Variants in CCSER1 observed in about 807,000 individuals in gnomAD.
CCSER1 encodes the protein serine-rich coiled-coil domain-containing protein 1.
CCSER1 carries 41 observed loss-of-function variants against 82.0 expected under a neutral mutation model. The ratio of observed to expected loss-of-function variants is 0.50; its 90% CI spans 0.39 to 0.65. The LOEUF (loss-of-function observed/expected upper bound fraction) is 0.65. Among genes scored for constraint, CCSER1 ranks in the 30% least tolerant of loss-of-function variants. CCSER1 has a pLI of 0.00. For missense variants in CCSER1, 1,119 were observed against 1,064.2 expected, an observed-to-expected ratio of 1.05 and a Z score of -0.72; for synonymous variants, 414 against 383.9, an observed-to-expected ratio of 1.08 and a Z score of -0.92.
chr4:91,078,069 T>G (rs1440535415), intron 9 of CCSER1, among the ~76,000 whole-genome samples: 1 of 152,214 alleles, frequency 6.6e-6, no homozygotes, highest in African/African-American at 2.4e-5. Flanking sequence ...TAAATGTCCC[T>G]GTCTGGCGGC....
chr4:90,698,690 G>C (rs1043780422), intron 6 of CCSER1, among the ~76,000 whole-genome samples: 6 of 152,156 alleles, frequency 3.9e-5, no homozygotes, highest in African/African-American at 1.2e-4. Context: ...GTTAACTGAG[G>C]TCTGACTTGT....
chr4:90,526,586 T>G (rs912106323), intron 5 of CCSER1, among the ~76,000 whole-genome samples: 18 of 152,174 alleles, frequency 1.2e-4, no homozygotes, highest in African/African-American at 3.9e-4. Context: ...GTGTTCTCAT[T>G]GTTCAATTCC....
At chr4:91,120,474 G>T (rs927239974) in intron 10 of CCSER1, among the ~76,000 whole-genome samples, 1 of 151,950 alleles carries the variant, frequency 6.6e-6, no homozygotes. Context: ...AAAGATTATT[G>T]CAAGGTTTTA....
At chr4:91,230,537 T>C (rs1446365909) in intron 10 of CCSER1, among the ~76,000 whole-genome samples, 1 of 152,038 alleles carries the variant, frequency 6.6e-6, no homozygotes, top group African/African-American at 2.4e-5. Context: ...TAATTGCTCA[T>C]TGTAGAGATT....
intron 6 of CCSER1, among the ~76,000 whole-genome samples, chr4:90,635,304 T>C (rs1313445578): frequency 1.3e-5 from 2 of 151,616 alleles, no homozygotes; most frequent in African/African-American, 2.4e-5. Flanking sequence ...AGACACACTA[T>C]ATACTGGGTC....
intron 8 of CCSER1, among the ~76,000 whole-genome samples, chr4:90,923,150 C>T (rs1157151797): frequency 3.3e-5 from 5 of 152,042 alleles, no homozygotes; most frequent in African/African-American, 9.7e-5. Context: ...GACTCAGTGA[C>T]GCCTACAGTA....
chr4:91,527,657 G>A (rs1400353), intron 10 of CCSER1, among the ~76,000 whole-genome samples: 2 of 151,966 alleles, frequency 1.3e-5, no homozygotes, highest in African/African-American at 2.4e-5. Context: ...GGTTCATACC[G>A]TCTACTGTGA....
intron 9 of CCSER1, among the ~76,000 whole-genome samples, chr4:91,042,511 T>C (rs558383654): frequency 1.3e-5 from 2 of 152,310 alleles, no homozygotes; most frequent in Admixed American, 1.3e-4. Context: ...TATGTCTCCT[T>C]ATTTAGTTTA....
At chr4:90,520,144 A>G (rs1234454513) in intron 5 of CCSER1, among the ~76,000 whole-genome samples, 1 of 151,936 alleles carries the variant, frequency 6.6e-6, no homozygotes, top group African/African-American at 2.4e-5. Flanking sequence ...TGGACAAAAA[A>G]TAAGCTTTTA....
intron 10 of CCSER1, among the ~76,000 whole-genome samples, chr4:91,586,453 G>A (rs542463607): frequency 3.2e-4 from 48 of 151,778 alleles, no homozygotes; most frequent in African/African-American, 1.2e-3. Context: ...AGGATATTGA[G>A]TAGTTGTGAC....
At chr4:90,703,572 G>A (rs1318851390) in intron 6 of CCSER1, among the ~76,000 whole-genome samples, 1 of 152,168 alleles carries the variant, frequency 6.6e-6, no homozygotes, top group Admixed American at 6.5e-5. Context: ...TGACAGTGGG[G>A]TGTTAAAGTC....
At chr4:90,888,396 G>A (rs369612945) in intron 8 of CCSER1, among the ~76,000 whole-genome samples, 20 of 152,104 alleles carry the variant, frequency 1.3e-4, no homozygotes, top group African/African-American at 4.6e-4. Flanking sequence ...GAAAGGGCAA[G>A]AGTAGAAAGA....
At chr4:91,093,084 C>T (rs1166288770) in intron 10 of CCSER1, among the ~76,000 whole-genome samples, 1 of 152,200 alleles carries the variant, frequency 6.6e-6, no homozygotes, top group Non-Finnish European at 1.5e-5. Context: ...TAAATGTTTA[C>T]AGTCTTACCT....
At position 90,798,390 on chromosome 4, in the gene CCSER1, T is replaced by A. The variant is rs139558961; in HGVS notation, c.2011-17372T>A. The stretch of plus-strand genomic sequence containing the variant: ...TCAGCACCTGCATTATTTATCAGGA[T>A]TTTTAGCTTCCTTGTACTGGATTTT... On this transcript the variant is annotated intron_variant, in intron 7 of 10. Transcript: ENST00000509176. Among the ~76,000 whole-genome samples, 232 of 151,742 alleles carry A rather than the reference T, an allele frequency of 1.5e-3. 3 individuals carry two copies. Among genetic ancestry groups the A allele is most frequent in the African/African-American group, 5.5e-3 (225 of 40,992 alleles).
At chr4:90,771,853 A>G (rs567275268) in intron 7 of CCSER1, among the ~76,000 whole-genome samples, 1 of 152,132 alleles carries the variant, frequency 6.6e-6, no homozygotes, top group Non-Finnish European at 1.5e-5. Flanking sequence ...TTTTGACTTA[A>G]ATTTGTTTCA....
chr4:90,189,827 CT>C (rs1735293750), intron 1 of CCSER1, among the ~76,000 whole-genome samples: 2 of 151,864 alleles, frequency 1.3e-5, no homozygotes, highest in Admixed American at 1.3e-4. Context: ...GTCTGTTTAA[CT>C]TTAAATATTG....
At chr4:90,531,311 A>G (rs1435650629) in intron 5 of CCSER1, among the ~76,000 whole-genome samples, 1 of 151,942 alleles carries the variant, frequency 6.6e-6, no homozygotes, top group African/African-American at 2.4e-5. Flanking sequence ...GACCTTAAAA[A>G]TCTCAAAAAT....
At chr4:90,275,877 T>G (rs1727441436) in intron 1 of CCSER1, among the ~76,000 whole-genome samples, 2 of 152,170 alleles carry the variant, frequency 1.3e-5, no homozygotes, top group Admixed American at 1.3e-4. Context: ...AGCAAAAGTG[T>G]TAATGAAATA....
intron 10 of CCSER1, among the ~76,000 whole-genome samples, chr4:91,374,179 A>G (rs975392068): frequency 6.6e-6 from 1 of 152,278 alleles, no homozygotes; most frequent in South Asian, 2.1e-4. Context: ...AGCTAAGATT[A>G]TTTTGATGAA....
Sources: allele counts gnomAD v4.1 joint callset (sites outside exome capture counted in the v4.1 genomes callset), GRCh38; gene constraint gnomAD v4.1.1; transcripts MANE v1.5; gene names NCBI Gene and HGNC (gene_info 2026-07-23, HGNC 2026-07-21).